Variants in LIMA1 observed in about 807,000 individuals in gnomAD.
LIMA1 encodes the protein LIM domain and actin-binding protein 1.
LIMA1 carries 52 observed loss-of-function variants against 62.6 expected under a neutral mutation model. The ratio of observed to expected loss-of-function variants is 0.83; its 90% CI spans 0.67 to 1.05. The LOEUF (loss-of-function observed/expected upper bound fraction) is 1.05. Among genes scored for constraint, LIMA1 ranks in the 50% least tolerant of loss-of-function variants. The pLI is 0.00. For missense variants in LIMA1, 780 were observed against 902.2 expected (o/e 0.86, Z 1.74); for synonymous variants, 302 against 317.8 (o/e 0.95, Z 0.53).
At chr12:50,239,298 ATAT>A (rs1187021052) in intron 2 of LIMA1, among the ~76,000 whole-genome samples, 5 of 152,316 alleles carry the variant, frequency 3.3e-5, no homozygotes, top group African/African-American at 9.6e-5. Context: ...AGCCTCACTT[ATAT>A]TAATTAGCCT....
chr12:50,183,391 T>C lies in LIMA1; in HGVS notation c.1141-1354A>G, dbSNP rs115301703. ...CAATTAGGAGGTGCTTTTGCTGCCA[T>C]GATCAGCCTGGGCTCTCACCAGAAA... On this transcript the variant is annotated intron_variant, in intron 9 of 10. Coordinates refer to ENST00000341247, the MANE Select transcript of LIMA1 (RefSeq NM_016357.5). 7.6e-3 allele frequency among the ~76,000 whole-genome samples: 1,163 copies of C among 152,160 alleles called. 14 individuals are homozygous for C. Among genetic ancestry groups the C allele is most frequent in the African/African-American group, 0.026 (1,084 of 41,518 alleles).
chr12:50,176,633 C>G lies in LIMA1; in HGVS notation c.*431G>C, dbSNP rs1057460798. On this transcript the variant is annotated 3_prime_UTR_variant, in exon 11 of 11. Transcript: ENST00000341247. ...CATTTAAAAATATACAAACTGTGCC[C>G]TTTATACTAAAGTGCATTCAGTCGT... The G allele has an allele frequency of 1.3e-5, 2 of 155,302 alleles. No individual in the cohort carries two copies. The highest frequency in any genetic ancestry group is 4.8e-5 in the African/African-American group (2 of 41,536). The allele number at this position is 155,302 out of a possible 1,614,324, so 9.6% of individuals were successfully genotyped here. A position where few individuals can be genotyped will look rare whatever the true frequency, so the allele number is the denominator to read the frequency against.
At chr12:50,212,506 C>T (rs548194435) in intron 4 of LIMA1, among the ~76,000 whole-genome samples, 22 of 152,008 alleles carry the variant, frequency 1.4e-4, no homozygotes, top group African/African-American at 4.3e-4. Context: ...AAATAATACA[C>T]ATAGAAAGAG....
At chr12:50,271,671 G>C (rs2138698854) in intron 1 of LIMA1, among the ~76,000 whole-genome samples, 2 of 152,262 alleles carry the variant, frequency 1.3e-5, no homozygotes, top group African/African-American at 4.8e-5. Flanking sequence ...AATTGACCAA[G>C]ACCATCACGA....
chr12:50,203,701 T>C (rs1015383282), intron 6 of LIMA1, among the ~76,000 whole-genome samples: 1 of 152,056 alleles, frequency 6.6e-6, no homozygotes, highest in Admixed American at 6.6e-5. Context: ...GTGTGAGCCA[T>C]CACACCCAGC....
intron 1 of LIMA1, among the ~76,000 whole-genome samples, chr12:50,260,391 C>T (rs1942051036): frequency 6.6e-6 from 1 of 152,132 alleles, no homozygotes; most frequent in Non-Finnish European, 1.5e-5. Context: ...TCTAGTGAGC[C>T]ACCCGCCTCG....
At chr12:50,264,067 A>C (rs1047633901) in intron 1 of LIMA1, among the ~76,000 whole-genome samples, 11 of 151,940 alleles carry the variant, frequency 7.2e-5, no homozygotes, top group Admixed American at 6.6e-4. Flanking sequence ...ATGCTACAAC[A>C]TGGATGAACC....
intron 3 of LIMA1, 131 bp downstream of exon 3, chr12:50,231,534 G>A (rs1941611161): frequency 1.2e-6 from 1 of 829,226 alleles, no homozygotes; most frequent in Non-Finnish European, 2.1e-6. Flanking sequence ...AAATGGCTCA[G>A]AGATCACACC....
chr12:50,263,760 C>G (rs1942099310), intron 1 of LIMA1, among the ~76,000 whole-genome samples: 1 of 147,166 alleles, frequency 6.8e-6, no homozygotes, highest in Non-Finnish European at 1.5e-5. Flanking sequence ...ACAGAGTTAC[C>G]ATGGGATCCA....
intron 1 of LIMA1, among the ~76,000 whole-genome samples, chr12:50,261,509 C>T (rs1942073311): frequency 1.3e-5 from 2 of 152,130 alleles, no homozygotes; most frequent in African/African-American, 2.4e-5. Context: ...GAGGACACTG[C>T]TACCCTCTGT....
chr12:50,275,366 A>C (rs12308735), intron 1 of LIMA1, among the ~76,000 whole-genome samples: 1,570 of 152,266 alleles, frequency 0.01, 35 homozygotes, highest in African/African-American at 0.036. Flanking sequence ...ACTGTGTCTC[A>C]AAATAATAAA....
At chr12:50,253,345 T>C (rs1941953682) in intron 1 of LIMA1, among the ~76,000 whole-genome samples, 1 of 152,230 alleles carries the variant, frequency 6.6e-6, no homozygotes, top group African/African-American at 2.4e-5. Flanking sequence ...CAGGATTGGT[T>C]TTATTGTCTT....
chr12:50,192,957 T>TGA (rs1353228231), intron 8 of LIMA1, among the ~76,000 whole-genome samples: 1 of 151,618 alleles, frequency 6.6e-6, no homozygotes, highest in African/African-American at 2.4e-5. Context: ...GGGGGAGATG[T>TGA]GAGGGCAGAA....
chr12:50,275,846 T>C (rs1252569505), intron 1 of LIMA1, among the ~76,000 whole-genome samples: 1 of 152,044 alleles, frequency 6.6e-6, no homozygotes, highest in Non-Finnish European at 1.5e-5. Flanking sequence ...GGGGTGTGGG[T>C]GTCTTGAAGA....
chr12:50,210,894 A>G (rs555285255), intron 4 of LIMA1, among the ~76,000 whole-genome samples: 3 of 152,212 alleles, frequency 2.0e-5, no homozygotes, highest in African/African-American at 7.2e-5. Flanking sequence ...TCTCTGAAAA[A>G]TCCCTCATAC....
At chr12:50,218,358 C>G (rs1306921556) in intron 4 of LIMA1, 1 of 151,938 alleles carries the variant, frequency 6.6e-6, no homozygotes, top group Non-Finnish European at 1.5e-5. Flanking sequence ...AGGTACAGGC[C>G]CAAGAAAGAT....
At chr12:50,208,483 C>T (rs1418842768) in intron 4 of LIMA1, among the ~76,000 whole-genome samples, 1 of 151,892 alleles carries the variant, frequency 6.6e-6, no homozygotes, top group African/African-American at 2.4e-5. Context: ...AAGACTCCGT[C>T]TCAAAAAAAA....
chr12:50,261,770 G>A (rs755993248), intron 1 of LIMA1, among the ~76,000 whole-genome samples: 19 of 152,090 alleles, frequency 1.2e-4, no homozygotes, highest in Admixed American at 3.3e-4. Context: ...GGGCTCAAGC[G>A]ATCCTCCCAG....
intron 9 of LIMA1, chr12:50,191,280 C>T (rs2138421618): frequency 6.7e-6 from 1 of 150,148 alleles, no homozygotes; most frequent in East Asian, 2.0e-4. Flanking sequence ...CATCCCAGCA[C>T]TTTGGGAGGC....
Sources: allele counts gnomAD v4.1 joint callset (sites outside exome capture counted in the v4.1 genomes callset), GRCh38; gene constraint gnomAD v4.1.1; transcripts MANE v1.5; gene names NCBI Gene and HGNC (gene_info 2026-07-23, HGNC 2026-07-21).